The following TBCD variants were observed in gnomAD, a reference collection of about 807,000 sequenced individuals.
TBCD encodes tubulin-specific chaperone D.
In TBCD, 105 loss-of-function variants were observed where a neutral mutation model predicts 169.3. The ratio of observed to expected loss-of-function variants is 0.62; its 90% confidence interval spans 0.53 to 0.73. TBCD has a LOEUF of 0.73. Among genes scored for constraint, TBCD ranks in the 30% least tolerant of loss-of-function variants. The pLI, the probability that TBCD is intolerant of heterozygous loss-of-function variation, is 0.00. For missense variants in TBCD, 1,444 were observed against 1,600.1 expected, an observed-to-expected ratio of 0.90 and a Z score of 1.66; for synonymous variants, 700 against 643.9, an observed-to-expected ratio of 1.09 and a Z score of -1.32.
chr17:82,890,710 C>T lies in TBCD; in HGVS notation c.1563+1013C>T, dbSNP rs556299457. On this transcript the variant is annotated intron_variant, in intron 16 of 38. Transcript: ENST00000355528. The surrounding 1 kb of genome is among the most constrained non-coding windows in gnomAD (Gnocchi z 5.3). ...TTGCTGGCCCGAGGCAGCCGAGGCC[C>T]ACCCAGCATCCTTGGGGTGCCGTGG... Among the ~76,000 whole-genome samples, 1 of 152,274 alleles carries T rather than the reference C, an allele frequency of 6.6e-6. No homozygotes were observed. Among genetic ancestry groups the T allele is most frequent in the South Asian group, 2.1e-4 (1 of 4,826 alleles).
At chr17:82,794,743 TC>T (rs1036068310) in intron 7 of TBCD, among the ~76,000 whole-genome samples, 5 of 152,252 alleles carry the variant, frequency 3.3e-5, no homozygotes, top group African/African-American at 1.2e-4. Flanking sequence ...ATTGACTCGT[TC>T]CTTCCCTGTC....
intron 13 of TBCD, among the ~76,000 whole-genome samples, chr17:82,839,556 C>T (rs889226863): frequency 2.2e-4 from 34 of 152,178 alleles, no homozygotes; most frequent in African/African-American, 6.5e-4. Flanking sequence ...AATGTACATA[C>T]ACCACACATA....
chr17:82,829,266 C>T (rs189940925), intron 13 of TBCD, among the ~76,000 whole-genome samples: 151 of 151,828 alleles, frequency 9.9e-4, no homozygotes, highest in Non-Finnish European at 1.7e-3. Context: ...GACACCTACA[C>T]GCACTCGCAG....
At position 82,888,141 on chromosome 17, in the gene TBCD, G is replaced by A. The variant is rs1395056108; in HGVS notation, c.1534-1527G>A. Among the ~76,000 whole-genome samples the A allele has an allele frequency of 2.6e-5, 4 of 152,272 alleles. No individual in the cohort carries two copies. The East Asian group carries it at 7.7e-4, about 29-fold the overall frequency. ...TCATGTTTTTAGTGCTTTTTAAGAC[G>A]TGAAGACTTTCTTAAGGTCTGGGAA... is the stretch of plus-strand genomic sequence containing the variant. On this transcript the variant is annotated intron_variant, in intron 15 of 38. Coordinates refer to ENST00000355528, the MANE Select transcript of TBCD (RefSeq NM_005993.5).
At chr17:82,868,144 C>T (rs374720249) in intron 13 of TBCD, among the ~76,000 whole-genome samples, 3 of 152,106 alleles carry the variant, frequency 2.0e-5, no homozygotes, top group South Asian at 2.1e-4. Flanking sequence ...CTGGGAATGG[C>T]GCGGTGTCTG....
At chr17:82,861,455 A>G (rs181668414) in intron 13 of TBCD, among the ~76,000 whole-genome samples, 8 of 152,298 alleles carry the variant, frequency 5.3e-5, no homozygotes, top group African/African-American at 1.9e-4. Flanking sequence ...ATGGAGAAAT[A>G]AAGCTGTGAG....
At chr17:82,760,339 A>G (rs997629325) in intron 2 of TBCD, among the ~76,000 whole-genome samples, 3 of 152,220 alleles carry the variant, frequency 2.0e-5, no homozygotes, top group Admixed American at 6.5e-5. Context: ...GTAGGGGAGA[A>G]GTCTTTCTAA....
chr17:82,941,728 G>A (rs1352647594), intron 38 of TBCD: 4 of 523,942 alleles, frequency 7.6e-6, no homozygotes, highest in Admixed American at 3.7e-5. Context: ...GGGAGTGGGT[G>A]GAGCTGGCAC....
chr17:82,872,597 T>C (rs1214407869), intron 14 of TBCD, among the ~76,000 whole-genome samples: 1 of 152,236 alleles, frequency 6.6e-6, no homozygotes, highest in Non-Finnish European at 1.5e-5. Flanking sequence ...CTTGTGCTGC[T>C]CCTGCACTTC....
At chr17:82,818,022 C>CAAAGGAG (rs2052072772) in intron 13 of TBCD, among the ~76,000 whole-genome samples, 1 of 152,122 alleles carries the variant, frequency 6.6e-6, no homozygotes, top group African/African-American at 2.4e-5. Flanking sequence ...CAGGTTCACT[C>CAAAGGAG]AAAGGAGACA....
Position 82,805,963 on chromosome 17 carries a change from G to A in TBCD, c.1039G>A (p.Asp347Asn). 6.2e-7 allele frequency: 1 copy of A among 1,613,556 alleles called. No homozygotes were observed. Among genetic ancestry groups the A allele is most frequent in the Non-Finnish European group, 8.5e-7 (1 of 1,179,726 alleles). ...SEQKPLILTE[D>N]DDEDDDVPEG... ...GCAGAAGCCACTCATCCTGACCGAA[G>A]ATGACGACGAAGATGACGACGTCCC... is the stretch of plus-strand genomic sequence containing the variant. The change falls in exon 10 of 39, where the codon GAT (aspartate) becomes AAT (asparagine). Residue 347 changes from aspartate to asparagine, a missense_variant. Coordinates refer to ENST00000355528, the MANE Select transcript of TBCD (RefSeq NM_005993.5).
At chr17:82,761,850 C>T (rs1279164153) in intron 2 of TBCD, among the ~76,000 whole-genome samples, 1 of 151,520 alleles carries the variant, frequency 6.6e-6, no homozygotes, top group Non-Finnish European at 1.5e-5. Context: ...CTCAGCCTCC[C>T]GAGTAGCTGG....
intron 1 of TBCD, among the ~76,000 whole-genome samples, chr17:82,753,468 T>TTG (rs2047227000): frequency 7.8e-6 from 1 of 128,012 alleles, no homozygotes; most frequent in African/African-American, 2.8e-5. Flanking sequence ...TTTTTTTTTT[T>TTG]TGATACGAAG....
chr17:82,820,900 T>G (rs1158037271), intron 13 of TBCD, among the ~76,000 whole-genome samples: 1 of 151,964 alleles, frequency 6.6e-6, no homozygotes, highest in Non-Finnish European at 1.5e-5. Flanking sequence ...TCTCTTAGGT[T>G]CTGCACTCAT....
intron 13 of TBCD, among the ~76,000 whole-genome samples, chr17:82,845,817 C>T (rs1347249146): frequency 1.3e-5 from 2 of 152,246 alleles, no homozygotes; most frequent in South Asian, 2.1e-4. Flanking sequence ...TCTCACAGAA[C>T]ACCTGTGATG....
chr17:82,838,841 A>G (rs2054209664), intron 13 of TBCD: 1 of 985,332 alleles, frequency 1.0e-6, no homozygotes, highest in Non-Finnish European at 1.2e-6. Flanking sequence ...GAGCTCGTAA[A>G]CAAACGCTCA....
intron 6 of TBCD, among the ~76,000 whole-genome samples, chr17:82,773,342 C>T (rs1364197339): frequency 1.3e-5 from 2 of 152,126 alleles, no homozygotes; most frequent in Admixed American, 1.3e-4. Context: ...TTGTGACAGC[C>T]TGGAGCTGAG....
At position 82,772,587 on chromosome 17, in the gene TBCD, G is replaced by A. The variant is rs35924110; in HGVS notation, c.638+80G>A. ...TTGTTTGGGTACGTGTTTCATGTGC[G>A]TCTTCAGTCCTCAGACGAAGGACCC... On this transcript the variant is annotated intron_variant, in intron 6 of 38. Coordinates refer to ENST00000355528, the MANE Select transcript of TBCD (RefSeq NM_005993.5). 44,678 of 1,450,536 alleles carry A rather than the reference G, an allele frequency of 0.031. 2,342 individuals carry two copies. The highest frequency in any genetic ancestry group is 0.23 in the African/African-American group (16,517 of 71,526). 89.9% of individuals were successfully genotyped at this position (1,450,536 alleles called of 1,614,324 possible). A position where few individuals can be genotyped will look rare whatever the true frequency, so the allele number is the denominator to read the frequency against.
At chr17:82,799,457 AAAAAAAG>A (rs1331380397) in intron 8 of TBCD, among the ~76,000 whole-genome samples, 31 of 151,090 alleles carry the variant, frequency 2.1e-4, no homozygotes, top group Admixed American at 1.6e-3. Flanking sequence ...AAAAAAAAAA[AAAAAAAG>A]AAACTATCCG....
Sources: gnomAD v4.1 joint callset for allele counts (sites outside exome capture counted in the v4.1 genomes callset) on GRCh38, gnomAD v4.1.1 for gene constraint, Gnocchi (gnomAD v3.1) non-coding constraint, MANE v1.5 for transcripts, NCBI Gene and HGNC (gene_info 2026-07-23, HGNC 2026-07-21) for gene names.